The following EVC variants were observed in gnomAD, a reference collection of about 807,000 sequenced individuals.
EVC encodes evC complex member EVC.
Under a neutral mutation model 118.9 loss-of-function variants are expected in EVC, and 116 were observed. The observed-to-expected ratio is 0.98, with a 90% CI of 0.84 to 1.14. The LOEUF is 1.14. Ranked by LOEUF, EVC falls within the 50% of genes most tolerant of loss-of-function variation. The pLI is 0.00. For synonymous variants in EVC, 619 were observed against 534.7 expected (o/e 1.16, Z -2.18); for missense variants, 1,401 against 1,246.4 (o/e 1.12, Z -1.87).
intron 11 of EVC, among the ~76,000 whole-genome samples, chr4:5,767,772 G>C (rs927948062): frequency 1.3e-5 from 2 of 152,164 alleles, no homozygotes; most frequent in Non-Finnish European, 2.9e-5. Context: ...CACATGGTGC[G>C]CTGCACCCAC....
intron 5 of EVC, among the ~76,000 whole-genome samples, chr4:5,740,356 A>G (rs1728333217): frequency 6.6e-6 from 1 of 151,318 alleles, no homozygotes; most frequent in Non-Finnish European, 1.5e-5. Flanking sequence ...TTGTAATCCC[A>G]CCTACTTGGG....
Position 5,719,748 on chromosome 4 carries a change from G to A in EVC, c.300+375G>A, listed in dbSNP as rs1234153229. On this transcript the variant is annotated intron_variant, in intron 2 of 20. Transcript: ENST00000264956. The surrounding 1 kb of genome is among the most constrained non-coding windows in gnomAD (Gnocchi z 4.7). ...AATGGAATTGTGCTGTTCTGTGCCT[G>A]TGTTCCCTCCACAGAATGCCTTAAG... 6.6e-6 allele frequency among the ~76,000 whole-genome samples: 1 copy of A among 152,174 alleles called. No individual in the cohort carries two copies. The highest frequency in any genetic ancestry group is 2.4e-5 in the African/African-American group (1 of 41,436).
chr4:5,729,513 AT>A, intron 3 of EVC, 123 bp downstream of exon 3: 1 of 936,502 alleles, frequency 1.1e-6, no homozygotes, highest in Non-Finnish European at 1.7e-6. Flanking sequence ...ATGGCAAGTC[AT>A]TTTAGTAGGG....
intron 9 of EVC, among the ~76,000 whole-genome samples, 168 bp downstream of exon 9, chr4:5,753,220 T>C (rs1328212165): frequency 6.6e-6 from 1 of 152,154 alleles, no homozygotes; most frequent in Non-Finnish European, 1.5e-5. Context: ...TCTCTGGGGC[T>C]CTCTTCCCTT....
downstream of EVC, among the ~76,000 whole-genome samples, chr4:5,817,144 G>A (rs149787644): frequency 3.0e-4 from 46 of 152,316 alleles, no homozygotes; most frequent in South Asian, 2.7e-3. Flanking sequence ...GTTGGGATAC[G>A]GAGTGTTCTT....
At chr4:5,752,603 A>C in intron 8 of EVC, 2 of 604,218 alleles carry the variant, frequency 3.3e-6, no homozygotes, top group East Asian at 2.8e-5. Flanking sequence ...AAGTGCCTAC[A>C]TGCTAAGCTG....
chr4:5,804,959 A>T (rs1034181001), intron 17 of EVC, 118 bp downstream of exon 17: 11 of 887,010 alleles, frequency 1.2e-5, no homozygotes, highest in Non-Finnish European at 1.8e-5. Flanking sequence ...CTTGGGGGCC[A>T]TCGGCCTTCC....
Position 5,752,816 on chromosome 4 carries a change from CTG to C in EVC, c.1099-14_1099-13del. On this transcript the variant is annotated intron_variant, in intron 8 of 20. Transcript: ENST00000264956. ...TTCCCAGGACACCCCAGCTATGGTCCTGTGTGTTTCTTTTTGCAGGACGCCCT... is the reference window on the plus strand; with the variant it reads ...TTCCCAGGACACCCCAGCTATGGTCCTGTGTTTCTTTTTGCAGGACGCCCT... The C allele has an allele frequency of 6.2e-7, 1 of 1,613,162 alleles. No homozygotes were observed.
intron 18 of EVC, among the ~76,000 whole-genome samples, chr4:5,808,626 C>G (rs2152388875): frequency 6.6e-6 from 1 of 152,346 alleles, no homozygotes; most frequent in African/African-American, 2.4e-5. Context: ...TTGAGCATTC[C>G]CCTGTGTGCG....
intron 1 of EVC, among the ~76,000 whole-genome samples, chr4:5,714,304 A>C (rs1391441441): frequency 6.6e-6 from 1 of 152,008 alleles, no homozygotes; most frequent in African/African-American, 2.4e-5. Context: ...ATTTTAACTT[A>C]TTTCATCATT....
At position 5,800,792 on chromosome 4, in the gene EVC, A is replaced by C. The variant is rs969528569; in HGVS notation, c.2305-1158A>C. The stretch of plus-strand genomic sequence containing the variant: ...GATGAGCAGGGGCTCGGGAGTTAGA[A>C]GACCAGCTCAGACCTGCACTGCCAC... On this transcript the variant is annotated intron_variant, in intron 15 of 20. Coordinates refer to ENST00000264956, the MANE Select transcript of EVC (RefSeq NM_153717.3). 2.6e-5 allele frequency among the ~76,000 whole-genome samples: 4 copies of C among 152,268 alleles called. No homozygotes were observed. In the East Asian group the frequency reaches 7.7e-4, roughly 29 times the overall value.
chr4:5,804,017 T>G (rs1322544374), intron 16 of EVC, among the ~76,000 whole-genome samples: 2 of 151,750 alleles, frequency 1.3e-5, no homozygotes, highest in Non-Finnish European at 2.9e-5. Context: ...TTCGGCTCAC[T>G]GCAACCTCTG....
intron 2 of EVC, among the ~76,000 whole-genome samples, chr4:5,720,250 C>G (rs1428905492): frequency 6.6e-6 from 1 of 152,192 alleles, no homozygotes; most frequent in Non-Finnish European, 1.5e-5. Context: ...TTTTACACCT[C>G]TCACCTGTGA....
At position 5,798,835 on chromosome 4, in the gene EVC, T is replaced by C; in HGVS notation, c.2304+43T>C. 1 of 1,586,372 alleles carries C rather than the reference T, an allele frequency of 6.3e-7. No individual in the cohort carries two copies. The highest frequency in any genetic ancestry group is 1.3e-5 in the African/African-American group (1 of 74,546). ...TCCCTGGGGACACCGAGGGCAAGAA[T>C]GTTCAGGGTAGGGTCCATGCCTGGG... On this transcript the variant is annotated intron_variant, in intron 15 of 20. Coordinates refer to ENST00000264956, the MANE Select transcript of EVC (RefSeq NM_153717.3). This position sits in a 1 kb window ranked among gnomAD's most constrained non-coding sequence, Gnocchi z 4.1.
chr4:5,797,082 G>A lies in EVC; in HGVS notation c.1947G>A (p.Leu649=). The part of the protein sequence containing the change: ...DLLLRSALRR[L]ALRGNALATL... ...TGTTGCGCTCAGCCCTCCGGAGGCT[G>A]GCACTCCGCGGCAACGCCCTGGCCA... The change falls in exon 14 of 21, where the codon CTG becomes CTA. Residue 649 remains leucine (L), a synonymous_variant. Coordinates refer to ENST00000264956, the MANE Select transcript of EVC (RefSeq NM_153717.3). The A allele has an allele frequency of 6.2e-7, 1 of 1,613,486 alleles. No individual in the cohort carries two copies. The highest frequency in any genetic ancestry group is 8.5e-7 in the Non-Finnish European group (1 of 1,179,986).
At chr4:5,807,417 A>C (rs1477555621) in intron 17 of EVC, among the ~76,000 whole-genome samples, 1 of 152,206 alleles carries the variant, frequency 6.6e-6, no homozygotes, top group Non-Finnish European at 1.5e-5. Flanking sequence ...CTCCACACGC[A>C]CAGCTGCCTA....
chr4:5,781,992 C>T (rs1735666228), intron 11 of EVC, among the ~76,000 whole-genome samples: 1 of 152,124 alleles, frequency 6.6e-6, no homozygotes, highest in African/African-American at 2.4e-5. Flanking sequence ...GGATGGCTGT[C>T]TGAGGCTGAG....
intron 5 of EVC, among the ~76,000 whole-genome samples, chr4:5,739,669 G>A (rs909401987): frequency 1.3e-5 from 2 of 152,126 alleles, no homozygotes; most frequent in Admixed American, 6.5e-5. Flanking sequence ...TGCCACAACC[G>A]CAGAACTGAG....
Position 5,729,390 on chromosome 4 carries a change from G to A in EVC, c.384G>A (p.Arg128=). ...KVIYPINQKF[R]PLADGSSNPS... Reference sequence around the variant, plus strand: ...TCTACCCCATCAATCAGAAGTTCCGGGTGAGAGTCCTGAGCTCCATCATAG... The same window carrying A: ...TCTACCCCATCAATCAGAAGTTCCGAGTGAGAGTCCTGAGCTCCATCATAG... Residue 128 remains arginine (R), a splice_region_variant and synonymous_variant, in exon 3 of 21, where the codon CGG becomes CGA. Coordinates refer to ENST00000264956, the MANE Select transcript of EVC (RefSeq NM_153717.3). 1 of 1,613,992 alleles carries A rather than the reference G, an allele frequency of 6.2e-7. No homozygotes were observed. The highest frequency in any genetic ancestry group is 8.5e-7 in the Non-Finnish European group (1 of 1,179,922).
Sources: gnomAD v4.1 joint callset for allele counts (sites outside exome capture counted in the v4.1 genomes callset) on GRCh38, gnomAD v4.1.1 for gene constraint, Gnocchi (gnomAD v3.1) non-coding constraint, MANE v1.5 for transcripts, NCBI Gene and HGNC (gene_info 2026-07-23, HGNC 2026-07-21) for gene names.